The following NCAM2 variants were observed in gnomAD, a reference collection of about 807,000 sequenced individuals.
NCAM2 encodes N-CAM-2.
NCAM2 carries 30 observed loss-of-function variants against 98.1 expected under a neutral mutation model. The ratio of observed to expected loss-of-function variants is 0.31; its 90% CI spans 0.23 to 0.41. The LOEUF is 0.41. NCAM2 is among the 10% of genes least tolerant of loss of function. NCAM2 has a pLI of 1.00. For missense variants in NCAM2, 867 were observed against 1,005.8 expected, an observed-to-expected ratio of 0.86 and a Z score of 1.87; for synonymous variants, 368 against 342.4, an observed-to-expected ratio of 1.07 and a Z score of -0.83.
intron 11 of NCAM2, among the ~76,000 whole-genome samples, chr21:21,424,798 G>A (rs1319074171): frequency 1.3e-5 from 2 of 151,998 alleles, no homozygotes; most frequent in Non-Finnish European, 2.9e-5. Context: ...TTGGGAAGCC[G>A]AGGCGGGTGG....
Position 21,431,123 on chromosome 21 carries a change from T to TGTGTGTGTGTGTGTGTGTGTGTGTG in NCAM2, c.1481-985_1481-984insGTGTGTGTGTGTGTGTGTGTGTGTG, listed in dbSNP as rs2077332482. Among the ~76,000 whole-genome samples the TGTGTGTGTGTGTGTGTGTGTGTGTG allele has an allele frequency of 7.8e-5, 11 of 141,172 alleles. No individual in the cohort carries two copies. The Admixed American group carries it at 8.0e-4, about 10-fold the overall frequency. The allele number at this position is 141,172 out of a possible 152,430, so 92.6% of individuals were successfully genotyped here. A position where few individuals can be genotyped will look rare whatever the true frequency, so the allele number is the denominator to read the frequency against. ...CAGAGCCAAACCATATAATATATGT[T>TGTGTGTGTGTGTGTGTGTGTGTGTG]TGTGTGTGTGTGTGTGTGTGTGTAT... On this transcript the variant is annotated intron_variant, in intron 11 of 17. Coordinates refer to ENST00000400546, the MANE Select transcript of NCAM2 (RefSeq NM_004540.5).
chr21:21,354,509 A>G (rs2075419194), intron 8 of NCAM2, among the ~76,000 whole-genome samples: 1 of 152,212 alleles, frequency 6.6e-6, no homozygotes, highest in African/African-American at 2.4e-5. Context: ...AAATTAATAC[A>G]AAATATACAG....
intron 1 of NCAM2, among the ~76,000 whole-genome samples, chr21:21,215,272 T>C (rs966484751): frequency 1.3e-5 from 2 of 151,870 alleles, no homozygotes; most frequent in Non-Finnish European, 2.9e-5. Context: ...AATACAATGA[T>C]TTTGGCAATG....
intron 1 of NCAM2, among the ~76,000 whole-genome samples, chr21:21,267,376 T>A (rs1265903465): frequency 1.3e-5 from 2 of 152,186 alleles, no homozygotes; most frequent in African/African-American, 4.8e-5. Flanking sequence ...GCACTGCATT[T>A]CCTATTCCTC....
At chr21:21,439,558 CT>C (rs1241883647) in intron 12 of NCAM2, among the ~76,000 whole-genome samples, 2 of 151,340 alleles carry the variant, frequency 1.3e-5, no homozygotes, top group Non-Finnish European at 2.9e-5. Context: ...CCTTTTTTTC[CT>C]GATAGGGTTT....
At chr21:21,489,988 A>G (rs996438683) in intron 15 of NCAM2, among the ~76,000 whole-genome samples, 1 of 152,002 alleles carries the variant, frequency 6.6e-6, no homozygotes, top group African/African-American at 2.4e-5. Flanking sequence ...CTCAGTTTAA[A>G]TCTAATTTTA....
rs771675985 is a variant in NCAM2, at chr21:21,410,431, T to G, written c.1353T>G (p.Thr451=). Residue 451 remains threonine, a synonymous_variant, in exon 10 of 18, where the codon ACT becomes ACG. Coordinates refer to ENST00000400546, the MANE Select transcript of NCAM2 (RefSeq NM_004540.5). The part of the protein sequence containing the change: ...LPAKNTTNLK[T]YSTGRKMILE... ...CTAAAAACACGACCAATTTAAAGAC[T>G]TATAGTACAGGAAGAAAGATGATAT... is the stretch of plus-strand genomic sequence containing the variant. 6.3e-7 allele frequency: 1 copy of G among 1,576,272 alleles called. No homozygotes were observed. The highest frequency in any genetic ancestry group is 8.6e-7 in the Non-Finnish European group (1 of 1,161,646).
At chr21:21,286,454 T>A in intron 4 of NCAM2, 42 bp downstream of exon 4, 1 of 1,542,448 alleles carries the variant, frequency 6.5e-7, no homozygotes, top group East Asian at 2.3e-5. Context: ...GTTCTAATAC[T>A]ATTGCAGTTT....
intron 1 of NCAM2, among the ~76,000 whole-genome samples, chr21:21,028,023 C>G (rs2064590721): frequency 6.6e-6 from 1 of 151,998 alleles, no homozygotes; most frequent in Admixed American, 6.6e-5. Flanking sequence ...TCCACCACAC[C>G]CAGCTAATTT....
At position 21,143,820 on chromosome 21, in the gene NCAM2, T is replaced by TTC. The variant is rs1347453805; in HGVS notation, c.56-136758_56-136757insTC. Among the ~76,000 whole-genome samples the TTC allele has an allele frequency of 5.3e-5, 8 of 150,234 alleles. No homozygotes were observed. The East Asian group carries it at 7.8e-4, about 15-fold the overall frequency. ...TTTTAGGAAGTTTTTTTTTTTTTTT[T>TTC]CCAGCAGTTATTTGTATTTATTTGT... is the stretch of plus-strand genomic sequence containing the variant. On this transcript the variant is annotated intron_variant, in intron 1 of 17. Transcript: ENST00000400546.
chr21:21,433,130 C>T (rs554164808), intron 12 of NCAM2, among the ~76,000 whole-genome samples: 6 of 152,160 alleles, frequency 3.9e-5, no homozygotes, highest in African/African-American at 1.2e-4. Context: ...CTGTGTTGAC[C>T]CTACTTTATC....
intron 10 of NCAM2, among the ~76,000 whole-genome samples, chr21:21,411,015 A>ATAT (rs1353618920): frequency 1.5e-5 from 1 of 65,824 alleles, no homozygotes; most frequent in African/African-American, 6.5e-5. Flanking sequence ...TAAAAAAAAA[A>ATAT]ATATATATAT....
intron 3 of NCAM2, 78 bp downstream of exon 3, chr21:21,284,478 A>C: frequency 2.9e-6 from 3 of 1,043,562 alleles, no homozygotes; most frequent in Non-Finnish European, 4.3e-6. Context: ...AATGTTTGAT[A>C]ACACTTATTA....
chr21:21,063,567 A>G (rs993083422), intron 1 of NCAM2, among the ~76,000 whole-genome samples: 1 of 151,388 alleles, frequency 6.6e-6, no homozygotes, highest in Non-Finnish European at 1.5e-5. Context: ...GGGAAGATTA[A>G]AAATGAATAT....
intron 1 of NCAM2, among the ~76,000 whole-genome samples, chr21:21,107,503 A>T (rs1402225655): frequency 2.6e-5 from 4 of 152,110 alleles, no homozygotes; most frequent in Non-Finnish European, 5.9e-5. Context: ...CCCGTTTCCC[A>T]GCCTGTATTT....
intron 9 of NCAM2, among the ~76,000 whole-genome samples, chr21:21,375,307 G>C (rs2148060458): frequency 6.7e-6 from 1 of 150,204 alleles, no homozygotes; most frequent in Non-Finnish European, 1.5e-5. Context: ...TCATACAGTT[G>C]TTGGAATTTA....
At chr21:21,511,364 A>G (rs913375972) in intron 16 of NCAM2, among the ~76,000 whole-genome samples, 6 of 151,958 alleles carry the variant, frequency 3.9e-5, no homozygotes, top group African/African-American at 1.2e-4. Flanking sequence ...CAGCTCCCAC[A>G]TATGAATGAA....
intron 1 of NCAM2, among the ~76,000 whole-genome samples, chr21:21,120,994 G>A (rs997095826): frequency 6.6e-6 from 1 of 152,128 alleles, no homozygotes; most frequent in Non-Finnish European, 1.5e-5. Flanking sequence ...GGGATTACAG[G>A]CGTGAGCCAC....
intron 1 of NCAM2, among the ~76,000 whole-genome samples, chr21:21,198,893 G>T (rs1213550447): frequency 6.6e-6 from 1 of 152,204 alleles, no homozygotes; most frequent in East Asian, 1.9e-4. Flanking sequence ...CAAATAAAAG[G>T]ATGCAAACAT....
Sources: gnomAD v4.1 joint callset for allele counts (sites outside exome capture counted in the v4.1 genomes callset) on GRCh38, gnomAD v4.1.1 for gene constraint, MANE v1.5 for transcripts, NCBI Gene and HGNC (gene_info 2026-07-23, HGNC 2026-07-21) for gene names.